Variants in PTPRD observed in about 807,000 individuals in gnomAD.
The protein encoded by PTPRD is receptor-type tyrosine-protein phosphatase delta.
In PTPRD, 34 loss-of-function variants were observed where a neutral mutation model predicts 214.5. The observed-to-expected ratio is 0.16, with a 90% CI of 0.12 to 0.21. PTPRD has a LOEUF of 0.21. Ranked by LOEUF, PTPRD falls within the 10% of genes least tolerant of loss-of-function variation. The pLI is 1.00. For synonymous variants in PTPRD, 1,128 were observed against 845.7 expected, an observed-to-expected ratio of 1.33 and a Z score of -5.79; for missense variants, 2,545 against 2,398.7, an observed-to-expected ratio of 1.06 and a Z score of -1.27.
At chr9:9,337,310 G>A (rs2044918327) in intron 9 of PTPRD, among the ~76,000 whole-genome samples, 1 of 152,116 alleles carries the variant, frequency 6.6e-6, no homozygotes, top group South Asian at 2.1e-4. Flanking sequence ...AATCTGAGAG[G>A]CAGGTGTTGG....
intron 11 of PTPRD, among the ~76,000 whole-genome samples, chr9:8,963,393 G>A (rs762116407): frequency 2.6e-5 from 4 of 152,000 alleles, no homozygotes; most frequent in African/African-American, 9.7e-5. Context: ...GTTACTCATG[G>A]AATTACATTT....
At chr9:8,401,554 C>T (rs2092394315) in intron 36 of PTPRD, among the ~76,000 whole-genome samples, 1 of 152,124 alleles carries the variant, frequency 6.6e-6, no homozygotes, top group East Asian at 1.9e-4. Context: ...TGCATTTTTC[C>T]TAGCCTAAAT....
intron 11 of PTPRD, among the ~76,000 whole-genome samples, chr9:8,921,837 G>T (rs1315365301): frequency 6.6e-6 from 1 of 152,142 alleles, no homozygotes; most frequent in Non-Finnish European, 1.5e-5. Flanking sequence ...AATCTTGGGG[G>T]AGCCATTGCA....
chr9:10,521,314 G>A (rs931426078), intron 2 of PTPRD, among the ~76,000 whole-genome samples: 5 of 152,244 alleles, frequency 3.3e-5, no homozygotes, highest in South Asian at 2.1e-4. Context: ...AATGGATCCC[G>A]AATATGTGAC....
At chr9:8,486,879 T>A (rs1332060742) in intron 27 of PTPRD, among the ~76,000 whole-genome samples, 1 of 152,098 alleles carries the variant, frequency 6.6e-6, no homozygotes, top group Non-Finnish European at 1.5e-5. Flanking sequence ...CCCAGAGAGG[T>A]AGAAAACTTT....
At chr9:8,621,178 T>A (rs910240052) in intron 14 of PTPRD, among the ~76,000 whole-genome samples, 8 of 151,984 alleles carry the variant, frequency 5.3e-5, no homozygotes, top group Admixed American at 2.0e-4. Context: ...CACCAATTAC[T>A]TCCCCTCCAC....
intron 11 of PTPRD, among the ~76,000 whole-genome samples, chr9:8,837,659 G>A (rs962937750): frequency 6.6e-6 from 1 of 151,832 alleles, no homozygotes; most frequent in African/African-American, 2.4e-5. Context: ...ACCATGCCTC[G>A]CTAAACTTTT....
At chr9:10,268,115 CTTTTTT>C (rs375227811) in intron 3 of PTPRD, among the ~76,000 whole-genome samples, 2 of 132,828 alleles carry the variant, frequency 1.5e-5, no homozygotes, top group African/African-American at 5.6e-5. Context: ...CCATCTCCAT[CTTTTTT>C]TTTTTTTTTT....
At chr9:10,360,017 T>G (rs1272435619) in intron 2 of PTPRD, among the ~76,000 whole-genome samples, 1 of 152,230 alleles carries the variant, frequency 6.6e-6, no homozygotes, top group East Asian at 1.9e-4. Context: ...TTTTTCTCAA[T>G]GTTCCTTTTC....
intron 14 of PTPRD, among the ~76,000 whole-genome samples, chr9:8,592,004 C>G (rs2094141991): frequency 6.6e-6 from 1 of 152,046 alleles, no homozygotes; most frequent in Non-Finnish European, 1.5e-5. Context: ...TCCAGTCCAG[C>G]CTTGTAATCG....
At chr9:8,662,386 A>G (rs867332636) in intron 12 of PTPRD, among the ~76,000 whole-genome samples, 37 of 152,302 alleles carry the variant, frequency 2.4e-4, no homozygotes, top group African/African-American at 8.2e-4. Flanking sequence ...AAGAACACCA[A>G]TCTTGGGATC....
chr9:8,935,851 T>A lies in PTPRD; in HGVS notation c.-104+82846A>T, dbSNP rs578207517. On this transcript the variant is annotated intron_variant, in intron 11 of 45. Coordinates refer to ENST00000381196, the MANE Select transcript of PTPRD (RefSeq NM_002839.4). ...TTTCCATCCAAGAGTGAGTATACAG[T>A]TTCCTTTTGGGGTTACATCACCAAT... 3.3e-5 allele frequency among the ~76,000 whole-genome samples: 5 copies of A among 152,292 alleles called. No individual in the cohort carries two copies. The East Asian group carries it at 9.7e-4, about 29-fold the overall frequency.
chr9:8,625,504 A>C (rs1564803296), intron 14 of PTPRD, among the ~76,000 whole-genome samples: 1 of 151,752 alleles, frequency 6.6e-6, no homozygotes, highest in Non-Finnish European at 1.5e-5. Context: ...TTATAGCTTC[A>C]TTTTTTTAAT....
rs571537279 is a variant in PTPRD, at chr9:9,607,892, C to T, written c.-286-33111G>A. Among the ~76,000 whole-genome samples the T allele has an allele frequency of 4.6e-5, 7 of 151,990 alleles. 1 individual carries two copies. The highest frequency in any genetic ancestry group is 6.8e-3 in the Middle Eastern group (2 of 294). On this transcript the variant is annotated intron_variant, in intron 7 of 45. Transcript: ENST00000381196. ...ACTGACAAAAAAAAAATTTAGAAAA[C>T]GCACTTGAGCTGTCCTCAGTCAAAT...
At position 9,900,348 on chromosome 9, in the gene PTPRD, C is replaced by A. The variant is rs1274730198; in HGVS notation, c.-368+38159G>T. ...TCTATCAGATATGCTAAATAATCAC[C>A]CTTAAGTTCAAACTTTCACAAATTG... On this transcript the variant is annotated intron_variant, in intron 5 of 45. Transcript: ENST00000381196. Among the ~76,000 whole-genome samples, 5 of 152,142 alleles carry A rather than the reference C, an allele frequency of 3.3e-5. No individual in the cohort carries two copies. The South Asian group carries it at 6.2e-4, about 19-fold the overall frequency.
In PTPRD at chr9:8,507,532, A is replaced by C. The variant is rs2097566946; in HGVS notation, c.1544-98T>G. 25 of 1,439,774 alleles carry C rather than the reference A, an allele frequency of 1.7e-5. No individual in the cohort carries two copies. In the South Asian group the frequency reaches 2.8e-4, roughly 16 times the overall value. 89.2% of individuals were successfully genotyped at this position (1,439,774 alleles called of 1,614,324 possible). On this transcript the variant is annotated intron_variant, in intron 21 of 45. Coordinates refer to ENST00000381196, the MANE Select transcript of PTPRD (RefSeq NM_002839.4). Reference sequence around the variant, plus strand: ...CCTGCTTAAACCTTTCGAAATCTGTACACATGTACCAGCTTAGTGGAAAAC... The same window carrying C: ...CCTGCTTAAACCTTTCGAAATCTGTCCACATGTACCAGCTTAGTGGAAAAC...
At chr9:9,243,422 C>T (rs891702002) in intron 9 of PTPRD, among the ~76,000 whole-genome samples, 1 of 152,048 alleles carries the variant, frequency 6.6e-6, no homozygotes, top group Non-Finnish European at 1.5e-5. Context: ...TCCAGCAGCA[C>T]ATCAAAAAGC....
intron 2 of PTPRD, among the ~76,000 whole-genome samples, chr9:10,509,633 C>T (rs2784633): frequency 0.21 from 30,056 of 142,156 alleles, 3,806 homozygotes; most frequent in Admixed American, 0.37. Context: ...GTACATTTGG[C>T]GTTTTTTAAT....
chr9:9,678,414 G>A (rs565073589), intron 7 of PTPRD, among the ~76,000 whole-genome samples: 42 of 151,910 alleles, frequency 2.8e-4, no homozygotes, highest in South Asian at 1.2e-3. Context: ...AAATAATGCC[G>A]CATATCTACA....
Sources: gnomAD v4.1 joint callset for allele counts (sites outside exome capture counted in the v4.1 genomes callset) on GRCh38, gnomAD v4.1.1 for gene constraint, MANE v1.5 for transcripts, NCBI Gene and HGNC (gene_info 2026-07-23, HGNC 2026-07-21) for gene names.